Variants in TRAPPC9 observed in about 807,000 individuals in gnomAD.
TRAPPC9 encodes the protein trafficking protein particle complex subunit 9.
Under a neutral mutation model 124.0 loss-of-function variants are expected in TRAPPC9, and 83 were observed. That is an observed-to-expected ratio of 0.67 (90% CI 0.56 to 0.80). The LOEUF (loss-of-function observed/expected upper bound fraction) is 0.80, where lower values mean the gene tolerates loss of function less well. TRAPPC9 is among the 30% of genes least tolerant of loss of function. TRAPPC9 has a pLI of 0.00. For synonymous variants in TRAPPC9, 638 were observed against 617.5 expected, an observed-to-expected ratio of 1.03 and a Z score of -0.49; for missense variants, 1,302 against 1,508.3, an observed-to-expected ratio of 0.86 and a Z score of 2.27.
At chr8:139,797,473 T>G (rs558230249) in intron 21 of TRAPPC9, among the ~76,000 whole-genome samples, 37 of 152,310 alleles carry the variant, frequency 2.4e-4, no homozygotes, top group African/African-American at 8.7e-4. Flanking sequence ...TTGGCCAGGC[T>G]GATCTCAAAC....
chr8:140,093,098 C>A (rs1199010288), intron 17 of TRAPPC9, among the ~76,000 whole-genome samples: 2 of 151,976 alleles, frequency 1.3e-5, no homozygotes, highest in East Asian at 3.9e-4. Context: ...CATAAACCAT[C>A]CCCAAACACT....
chr8:140,437,967 T>G (rs964293885), intron 3 of TRAPPC9, among the ~76,000 whole-genome samples: 1 of 152,344 alleles, frequency 6.6e-6, no homozygotes, highest in Admixed American at 6.5e-5. Flanking sequence ...TGCTTTGAAG[T>G]AGGATTTCTT....
intron 21 of TRAPPC9, among the ~76,000 whole-genome samples, chr8:139,793,145 G>A (rs891047536): frequency 2.0e-5 from 3 of 152,160 alleles, no homozygotes; most frequent in African/African-American, 7.2e-5. Context: ...TGGGCAAGGT[G>A]CTTCATCTCT....
At chr8:140,098,269 C>T (rs1003333882) in intron 17 of TRAPPC9, 1 of 151,584 alleles carries the variant, frequency 6.6e-6, no homozygotes, top group African/African-American at 2.4e-5. Flanking sequence ...CTGCGATCTC[C>T]AGAGCCACCC....
In TRAPPC9 at chr8:139,733,773, G is replaced by A. The variant is rs374912513; in HGVS notation, c.3056-1571C>T. Among the ~76,000 whole-genome samples, 10 of 152,322 alleles carry A rather than the reference G, an allele frequency of 6.6e-5. No homozygotes were observed. In the South Asian group the frequency reaches 1.9e-3, roughly 28 times the overall value. The stretch of plus-strand genomic sequence containing the variant: ...GGGCCTGGTGCCAGCACCCTGCAGC[G>A]GAGGATCCTGGAAACACCCTGACCC... On this transcript the variant is annotated intron_variant, in intron 21 of 22. Transcript: ENST00000438773.
rs1442863537 is a variant in TRAPPC9, at chr8:140,125,584, A to ATTT, written c.2556+95874_2556+95875insAAA. Among the ~76,000 whole-genome samples the ATTT allele has an allele frequency of 7.2e-4, 78 of 108,238 alleles. 1 individual carries two copies. The highest frequency in any genetic ancestry group is 2.8e-3 in the African/African-American group (71 of 25,794). 71.0% of individuals were successfully genotyped at this position (108,238 alleles called of 152,430 possible). ...TAGGCATGTTCATTTATCGAATCTC[A>ATTT]TTCTTTTTTTTTTTTTTTTTTTTTT... On this transcript the variant is annotated intron_variant, in intron 17 of 22. Transcript: ENST00000438773.
At chr8:139,915,158 T>C (rs1260913192) in intron 19 of TRAPPC9, among the ~76,000 whole-genome samples, 1 of 152,204 alleles carries the variant, frequency 6.6e-6, no homozygotes, top group East Asian at 1.9e-4. Flanking sequence ...AGGGTGGCGG[T>C]GGCGGTGCCG....
intron 22 of TRAPPC9, 35 bp from the exon 23 acceptor site, chr8:139,731,263 C>T: frequency 6.2e-7 from 1 of 1,609,798 alleles, no homozygotes; most frequent in African/African-American, 1.3e-5. Context: ...TCAGTCTGGT[C>T]AGCAGCAGGG....
intron 21 of TRAPPC9, chr8:139,881,431 C>G: frequency 6.6e-6 from 1 of 152,166 alleles, no homozygotes; most frequent in East Asian, 1.9e-4. Flanking sequence ...ATGTGGTAAG[C>G]GCCCCATCTC....
At position 140,196,057 on chromosome 8, in the gene TRAPPC9, T is replaced by G. The variant is rs1437207242; in HGVS notation, c.2556+25402A>C. On this transcript the variant is annotated intron_variant, in intron 17 of 22. Transcript: ENST00000438773. ...TGTGACACTAAAACACATTGAACAATTCACATACAGACCACACCTGTGATA... is the reference window on the plus strand; with the variant it reads ...TGTGACACTAAAACACATTGAACAAGTCACATACAGACCACACCTGTGATA... 3.7e-5 allele frequency among the ~76,000 whole-genome samples: 2 copies of G among 54,698 alleles called. 1 individual carries two copies. Among genetic ancestry groups the G allele is most frequent in the Non-Finnish European group, 7.5e-5 (2 of 26,834 alleles). The allele number at this position is 54,698 out of a possible 152,430, so 35.9% of individuals were successfully genotyped here.
intron 9 of TRAPPC9, among the ~76,000 whole-genome samples, chr8:140,323,263 C>CT (rs757241969): frequency 8.5e-5 from 13 of 152,204 alleles, no homozygotes; most frequent in Non-Finnish European, 1.5e-4. Context: ...ACACCTCGCC[C>CT]TGGGCATCTC....
At chr8:139,773,079 C>T (rs139289698) in intron 21 of TRAPPC9, among the ~76,000 whole-genome samples, 4,744 of 152,348 alleles carry the variant, frequency 0.031, 94 homozygotes, top group Non-Finnish European at 0.048. Context: ...CCTGGGCCAC[C>T]TCGCAGTGGC....
intron 17 of TRAPPC9, among the ~76,000 whole-genome samples, chr8:140,172,192 C>G (rs1019566970): frequency 2.0e-5 from 3 of 152,172 alleles, no homozygotes; most frequent in Non-Finnish European, 4.4e-5. Flanking sequence ...GCATGAGCAC[C>G]TGTGGAGCAC....
chr8:140,457,091 A>T (rs897210975), intron 1 of TRAPPC9, among the ~76,000 whole-genome samples: 3 of 152,178 alleles, frequency 2.0e-5, no homozygotes, highest in Non-Finnish European at 4.4e-5. Flanking sequence ...AATCCAGGAG[A>T]CAGGAGGGAA....
chr8:139,815,590 C>T (rs952023239), intron 21 of TRAPPC9, among the ~76,000 whole-genome samples: 17 of 152,160 alleles, frequency 1.1e-4, no homozygotes, highest in Non-Finnish European at 2.1e-4. Context: ...CAGGGTTTCA[C>T]CATGTTGGCC....
At chr8:139,823,243 A>C (rs1239435878) in intron 21 of TRAPPC9, among the ~76,000 whole-genome samples, 1 of 152,124 alleles carries the variant, frequency 6.6e-6, no homozygotes, top group African/African-American at 2.4e-5. Context: ...TGATTGTCAC[A>C]GGAAGGCAGT....
intron 20 of TRAPPC9, among the ~76,000 whole-genome samples, chr8:139,902,200 T>G (rs1220937929): frequency 6.6e-6 from 1 of 152,194 alleles, no homozygotes; most frequent in Non-Finnish European, 1.5e-5. Context: ...CCTTCCCCGC[T>G]CTCATGTTCC....
intron 21 of TRAPPC9, among the ~76,000 whole-genome samples, chr8:139,772,794 A>G (rs1821067837): frequency 6.6e-6 from 1 of 152,236 alleles, no homozygotes; most frequent in Non-Finnish European, 1.5e-5. Flanking sequence ...AATGAGGCCC[A>G]AGATGGGCCC....
intron 17 of TRAPPC9, among the ~76,000 whole-genome samples, chr8:140,129,772 G>A (rs918305655): frequency 2.6e-5 from 4 of 152,174 alleles, no homozygotes; most frequent in East Asian, 1.9e-4. Flanking sequence ...CAGTGATACC[G>A]GATCGGAATT....
Sources: gnomAD v4.1 joint callset for allele counts (sites outside exome capture counted in the v4.1 genomes callset) on GRCh38, gnomAD v4.1.1 for gene constraint, MANE v1.5 for transcripts, NCBI Gene and HGNC (gene_info 2026-07-23, HGNC 2026-07-21) for gene names.